RNF150: variants seen among roughly 807,000 people sequenced by gnomAD.
The protein encoded by RNF150 is ring finger protein 150.
RNF150 carries 24 observed loss-of-function variants against 39.3 expected under a neutral mutation model. That is an observed-to-expected ratio of 0.61 (90% confidence interval 0.44 to 0.86). The LOEUF is 0.86. Ranked by LOEUF, RNF150 falls within the 40% of genes least tolerant of loss-of-function variation. The probability of loss-of-function intolerance (pLI) is 0.00; values close to 1 mark genes in which losing one functional copy is unlikely to be tolerated. For missense variants in RNF150, 502 were observed against 587.8 expected (o/e 0.85, Z 1.51); for synonymous variants, 255 against 227.3 (o/e 1.12, Z -1.10).
At chr4:141,031,705 T>A (rs764923756) in intron 1 of RNF150, among the ~76,000 whole-genome samples, 8 of 152,022 alleles carry the variant, frequency 5.3e-5, no homozygotes, top group Non-Finnish European at 8.8e-5. Flanking sequence ...AATGAGATAA[T>A]ATTTCATACC....
At chr4:141,031,479 G>T (rs897619658) in intron 1 of RNF150, among the ~76,000 whole-genome samples, 5 of 151,904 alleles carry the variant, frequency 3.3e-5, no homozygotes, top group Admixed American at 3.3e-4. Context: ...TGGAATGAAA[G>T]AAAATATTTG....
intron 6 of RNF150, among the ~76,000 whole-genome samples, chr4:140,908,256 T>C (rs1730467503): frequency 6.6e-6 from 1 of 152,172 alleles, no homozygotes; most frequent in Non-Finnish European, 1.5e-5. Flanking sequence ...AAAAAATCTG[T>C]ATAGAGCAGA....
rs192655076 is a variant in RNF150 at position 140,916,462 on chromosome 4, G to C, written c.988-5108C>G. ...GGGTATCAGCGATGGAAGACGAAAT[G>C]AATGAAATGAAGCATGAAGAGAAGT... On this transcript the variant is annotated intron_variant, in intron 5 of 6. Transcript: ENST00000515673. Among the ~76,000 whole-genome samples the C allele has an allele frequency of 3.5e-3, 526 of 152,212 alleles. 6 individuals are homozygous for C. The highest frequency in any genetic ancestry group is 0.012 in the African/African-American group (503 of 41,532).
chr4:141,165,879 A>G (rs1409896990), intron 1 of RNF150, among the ~76,000 whole-genome samples: 3 of 152,182 alleles, frequency 2.0e-5, no homozygotes, highest in South Asian at 2.1e-4. Context: ...TAACATCACA[A>G]TTAAAAGAAC....
intron 2 of RNF150, among the ~76,000 whole-genome samples, chr4:140,957,795 C>A (rs1274535442): frequency 6.6e-6 from 1 of 151,184 alleles, no homozygotes; most frequent in Non-Finnish European, 1.5e-5. Flanking sequence ...TAAACTATCA[C>A]AAGAACAAAA....
intron 1 of RNF150, among the ~76,000 whole-genome samples, chr4:141,022,489 T>C (rs1320404214): frequency 6.6e-6 from 1 of 152,164 alleles, no homozygotes; most frequent in Non-Finnish European, 1.5e-5. Context: ...AACTTTTTAT[T>C]TGGTTGGCTG....
At chr4:140,951,894 A>G (rs1482844208) in intron 2 of RNF150, among the ~76,000 whole-genome samples, 1 of 152,140 alleles carries the variant, frequency 6.6e-6, no homozygotes, top group Non-Finnish European at 1.5e-5. Context: ...CTGGCATTAT[A>G]TAATATTGCA....
chr4:140,947,329 T>C (rs1460484460), intron 4 of RNF150, among the ~76,000 whole-genome samples: 1 of 152,246 alleles, frequency 6.6e-6, no homozygotes, highest in East Asian at 1.9e-4. Flanking sequence ...GAATTGATTC[T>C]GAACATCATA....
chr4:140,924,965 G>A (rs1460249365), intron 5 of RNF150, among the ~76,000 whole-genome samples: 1 of 152,168 alleles, frequency 6.6e-6, no homozygotes, highest in Admixed American at 6.5e-5. Context: ...CTAAGATAAT[G>A]CATCTCTGGC....
chr4:141,059,059 A>G (rs1478837877), intron 1 of RNF150, among the ~76,000 whole-genome samples: 1 of 152,168 alleles, frequency 6.6e-6, no homozygotes, highest in Non-Finnish European at 1.5e-5. Flanking sequence ...CAAAACTGAG[A>G]GCAACAGGAG....
At chr4:141,203,904 G>A (rs990616408) in intron 1 of RNF150, among the ~76,000 whole-genome samples, 16 of 152,158 alleles carry the variant, frequency 1.1e-4, no homozygotes, top group African/African-American at 3.4e-4. Context: ...CTTCCCAGAG[G>A]GGTAATGTTT....
At chr4:141,131,907 G>T (rs1366316027) in intron 1 of RNF150, among the ~76,000 whole-genome samples, 1 of 152,116 alleles carries the variant, frequency 6.6e-6, no homozygotes, top group African/African-American at 2.4e-5. Context: ...TCCTGATATA[G>T]CGCCTGCATC....
intron 1 of RNF150, among the ~76,000 whole-genome samples, chr4:141,148,240 T>C (rs1727235164): frequency 6.6e-6 from 1 of 152,172 alleles, no homozygotes; most frequent in Non-Finnish European, 1.5e-5. Context: ...CTTCCTCTTA[T>C]AGATTGAGCA....
At chr4:141,084,237 T>G (rs1464684916) in intron 1 of RNF150, among the ~76,000 whole-genome samples, 1 of 152,150 alleles carries the variant, frequency 6.6e-6, no homozygotes, top group East Asian at 1.9e-4. Context: ...CTGAAAACAT[T>G]TTCTTATAAT....
intron 2 of RNF150, among the ~76,000 whole-genome samples, chr4:140,967,195 C>A (rs1733275944): frequency 1.3e-5 from 2 of 152,084 alleles, no homozygotes; most frequent in Non-Finnish European, 2.9e-5. Context: ...TCATTATACG[C>A]CATGTGATAC....
At position 140,953,417 on chromosome 4, in the gene RNF150, T is replaced by C. The variant is rs199939170; in HGVS notation, c.736-4045A>G. Among the ~76,000 whole-genome samples the C allele has an allele frequency of 9.9e-5, 15 of 152,278 alleles. No individual in the cohort carries two copies. In the East Asian group the frequency reaches 2.7e-3, roughly 27 times the overall value. On this transcript the variant is annotated intron_variant, in intron 2 of 6. Transcript: ENST00000515673. Reference sequence around the variant, plus strand: ...CATTTTGGCAGCGGTGGATAAAGGATATGAAAGTCTTCCCTGGCAAGGGCA... The same window carrying C: ...CATTTTGGCAGCGGTGGATAAAGGACATGAAAGTCTTCCCTGGCAAGGGCA...
chr4:141,152,564 T>G (rs2111143368), intron 1 of RNF150, among the ~76,000 whole-genome samples: 1 of 152,312 alleles, frequency 6.6e-6, no homozygotes, highest in South Asian at 2.1e-4. Context: ...ACAGAAAGCA[T>G]TCTGTCAATT....
Position 140,993,824 on chromosome 4 carries a change from T to C in RNF150, c.485-25951A>G, listed in dbSNP as rs576311276. ...TCCAAACAAGAAAAGAAAATCTCAGTGCACTGTTAGGCTTTCAGTCATGAG... is the reference window on the plus strand; with the variant it reads ...TCCAAACAAGAAAAGAAAATCTCAGCGCACTGTTAGGCTTTCAGTCATGAG... On this transcript the variant is annotated intron_variant, in intron 1 of 6. Coordinates refer to ENST00000515673, the MANE Select transcript of RNF150 (RefSeq NM_020724.2). Among the ~76,000 whole-genome samples the C allele has an allele frequency of 2.4e-3, 358 of 152,282 alleles. 1 individual carries two copies. Among genetic ancestry groups the C allele is most frequent in the Non-Finnish European group, 4.0e-3 (270 of 68,018 alleles).
intron 1 of RNF150, among the ~76,000 whole-genome samples, chr4:141,173,205 G>C (rs1727759625): frequency 6.6e-6 from 1 of 152,050 alleles, no homozygotes; most frequent in Non-Finnish European, 1.5e-5. Context: ...TATTTATAAG[G>C]CTTTCTCTTA....
Sources: gnomAD v4.1 joint callset for allele counts (sites outside exome capture counted in the v4.1 genomes callset) on GRCh38, gnomAD v4.1.1 for gene constraint, MANE v1.5 for transcripts, NCBI Gene and HGNC (gene_info 2026-07-23, HGNC 2026-07-21) for gene names.